The following ERI1 variants were observed in gnomAD, a reference collection of about 807,000 sequenced individuals.
ERI1 encodes the protein exoribonuclease 1.
ERI1 carries 39 observed loss-of-function variants against 39.7 expected under a neutral mutation model. The observed-to-expected ratio is 0.98, with a 90% confidence interval of 0.76 to 1.28. ERI1 has a LOEUF of 1.28. ERI1 is among the 50% of genes most tolerant of loss of function. ERI1 has a pLI of 0.00. For synonymous variants in ERI1, 204 were observed against 149.6 expected (o/e 1.36, Z -2.65); for missense variants, 581 against 416.9 (o/e 1.39, Z -3.43).
chr8:9,048,335 C>T (rs991266994), intron 3 of ERI1: 23 of 154,246 alleles, frequency 1.5e-4, no homozygotes, highest in African/African-American at 4.8e-5. Flanking sequence ...TTCAATAATT[C>T]GAATTACATG....
intron 2 of ERI1, chr8:9,009,178 C>G (rs1816403545): frequency 2.3e-6 from 1 of 435,322 alleles, no homozygotes; most frequent in Non-Finnish European, 4.6e-6. Flanking sequence ...GTATTGAATT[C>G]TAAGTACTGC....
intron 3 of ERI1, among the ~76,000 whole-genome samples, chr8:9,059,255 A>G (rs1798613431): frequency 6.6e-6 from 1 of 152,124 alleles, no homozygotes; most frequent in Non-Finnish European, 1.5e-5. Context: ...GGCCATCTGG[A>G]TGTGTACATG....
intron 3 of ERI1, among the ~76,000 whole-genome samples, chr8:9,099,595 T>G (rs1257079928): frequency 1.5e-5 from 2 of 136,852 alleles, no homozygotes; most frequent in Admixed American, 1.5e-4. Flanking sequence ...ACACTCTCTC[T>G]CTCAAAAAAA....
intron 6 of ERI1, among the ~76,000 whole-genome samples, chr8:9,028,982 T>G (rs1161982928): frequency 2.0e-5 from 3 of 150,168 alleles, no homozygotes; most frequent in African/African-American, 7.3e-5. Flanking sequence ...AGTTTTTTTT[T>G]TTTTTTTTTT....
chr8:9,013,181 A>T (rs1020108562), intron 3 of ERI1, among the ~76,000 whole-genome samples: 1 of 151,702 alleles, frequency 6.6e-6, no homozygotes, highest in Non-Finnish European at 1.5e-5. Flanking sequence ...CGCCCGGCTA[A>T]TTTTTTGTAT....
chr8:9,046,317 C>A (rs537978936), intron 3 of ERI1, among the ~76,000 whole-genome samples: 1 of 152,256 alleles, frequency 6.6e-6, no homozygotes, highest in Admixed American at 6.5e-5. Flanking sequence ...TGCAGCCTGG[C>A]AGTAAAAGCC....
At chr8:9,073,812 G>A (rs191957468) in intron 3 of ERI1, among the ~76,000 whole-genome samples, 163 of 152,186 alleles carry the variant, frequency 1.1e-3, no homozygotes, top group South Asian at 7.5e-3. Flanking sequence ...AAACTACATA[G>A]AATCCAGTAC....
At chr8:9,003,281 T>A in intron 1 of ERI1, 110 bp downstream of exon 1, 1 of 615,832 alleles carries the variant, frequency 1.6e-6, no homozygotes, top group Non-Finnish European at 2.3e-6. Flanking sequence ...CTGTGCGCCC[T>A]TGGACCCCAG....
intron 1 of ERI1, among the ~76,000 whole-genome samples, chr8:9,005,785 C>T (rs991724117): frequency 6.6e-6 from 1 of 152,194 alleles, no homozygotes; most frequent in South Asian, 2.1e-4. Flanking sequence ...TGAGCCAACG[C>T]GCCCGGCCTC....
intron 3 of ERI1, among the ~76,000 whole-genome samples, chr8:9,064,762 AG>A (rs1798820626): frequency 6.6e-6 from 1 of 152,144 alleles, no homozygotes; most frequent in African/African-American, 2.4e-5. Context: ...CTCCCAAGGG[AG>A]GTCCCTTGAT....
chr8:9,031,742 C>T lies in ERI1; in HGVS notation c.*1708C>T, dbSNP rs1452471520. 1 of 152,148 alleles carries T rather than the reference C, an allele frequency of 6.6e-6. No individual in the cohort carries two copies. The highest frequency in any genetic ancestry group is 1.9e-4 in the East Asian group (1 of 5,194). 9.4% of individuals were successfully genotyped at this position (152,148 alleles called of 1,614,324 possible). On this transcript the variant is annotated 3_prime_UTR_variant, in exon 7 of 7. Coordinates refer to ENST00000250263, the MANE Select transcript of ERI1 (RefSeq NM_153332.4). ...TTTTTAAGAACTTCAACATTATAAG[C>T]TCTCAGTACCCTATTTTGTTGTTGT...
At chr8:9,053,681 C>T (rs565864003) in intron 3 of ERI1, among the ~76,000 whole-genome samples, 1 of 152,174 alleles carries the variant, frequency 6.6e-6, no homozygotes, top group African/African-American at 2.4e-5. Context: ...ACCCCACTGG[C>T]CCTGGACGTT....
In ERI1 at chr8:9,069,323, A is replaced by T. The variant is rs539469817; in HGVS notation, n.300-47025A>T. 9.8e-4 allele frequency among the ~76,000 whole-genome samples: 150 copies of T among 152,348 alleles called. 1 individual carries two copies. Among genetic ancestry groups the T allele is most frequent in the African/African-American group, 3.4e-3 (143 of 41,582 alleles). ...TGTTAATATGATAGGAAAAATTTTTAAAAGCACTTATGTTTTAATTTGCAT... is the reference window on the plus strand; with the variant it reads ...TGTTAATATGATAGGAAAAATTTTTTAAAGCACTTATGTTTTAATTTGCAT... On this transcript the variant is annotated intron_variant and non_coding_transcript_variant, in intron 3 of 3. Coordinates refer to the ERI1 transcript ENST00000518663.
chr8:9,043,423 T>C (rs779593010), intron 3 of ERI1, among the ~76,000 whole-genome samples: 4 of 152,160 alleles, frequency 2.6e-5, no homozygotes, highest in Non-Finnish European at 4.4e-5. Context: ...CACCCAAGCA[T>C]GTAGAGGCCA....
rs1585221991 is a variant in ERI1, at chr8:9,024,173, A to G, written c.807+3709A>G. Among the ~76,000 whole-genome samples the G allele has an allele frequency of 2.6e-5, 4 of 152,328 alleles. No individual in the cohort carries two copies. In the East Asian group the frequency reaches 5.8e-4, roughly 22 times the overall value. The stretch of plus-strand genomic sequence containing the variant: ...GGTAATTAAACTTGGAGCTTAATTT[A>G]AAAGGCAAATAACTGTAATACATTT... On this transcript the variant is annotated intron_variant, in intron 6 of 6. Transcript: ENST00000250263.
chr8:9,003,863 G>A (rs553372927), intron 1 of ERI1, among the ~76,000 whole-genome samples: 1 of 152,208 alleles, frequency 6.6e-6, no homozygotes, highest in Non-Finnish European at 1.5e-5. Flanking sequence ...ACTTCGTAAA[G>A]CTTCATAAAG....
chr8:9,005,751 C>A (rs967817383), intron 1 of ERI1, among the ~76,000 whole-genome samples: 10 of 152,168 alleles, frequency 6.6e-5, no homozygotes, highest in African/African-American at 2.4e-4. Context: ...GCCTCGGCCT[C>A]CCAAAGTGCT....
At chr8:9,095,552 C>G (rs1799851153) in intron 3 of ERI1, among the ~76,000 whole-genome samples, 1 of 152,036 alleles carries the variant, frequency 6.6e-6, no homozygotes, top group Non-Finnish European at 1.5e-5. Flanking sequence ...GAAACCCAGG[C>G]TGGAGTGCAG....
chr8:9,028,089 T>A (rs1006237071), intron 6 of ERI1, among the ~76,000 whole-genome samples: 2 of 152,246 alleles, frequency 1.3e-5, no homozygotes, highest in Admixed American at 6.5e-5. Context: ...CTGACCTTAA[T>A]GGAATGAGTT....
Sources: allele counts gnomAD v4.1 joint callset (sites outside exome capture counted in the v4.1 genomes callset), GRCh38; gene constraint gnomAD v4.1.1; transcripts MANE v1.5; gene names NCBI Gene and HGNC (gene_info 2026-07-23, HGNC 2026-07-21).